The following ATP8B4 variants were observed in gnomAD, a reference collection of about 807,000 sequenced individuals.
ATP8B4 encodes the protein probable phospholipid-transporting ATPase IM.
Under a neutral mutation model 145.6 loss-of-function variants are expected in ATP8B4, and 133 were observed. That is an observed-to-expected ratio of 0.91 (90% CI 0.79 to 1.05). The LOEUF (loss-of-function observed/expected upper bound fraction) is 1.05, where lower values mean the gene tolerates loss of function less well. Among genes scored for constraint, ATP8B4 ranks in the 50% least tolerant of loss-of-function variants. The pLI is 0.00. For missense variants in ATP8B4, 1,458 were observed against 1,425.2 expected (o/e 1.02, Z -0.37); for synonymous variants, 507 against 492.9 (o/e 1.03, Z -0.38).
intron 23 of ATP8B4, chr15:49,895,473 A>G (rs2037299773): frequency 6.6e-6 from 1 of 152,248 alleles, no homozygotes; most frequent in Non-Finnish European, 1.5e-5. Flanking sequence ...CAAAATGAAG[A>G]TTGTGCAATT....
intron 2 of ATP8B4, among the ~76,000 whole-genome samples, chr15:50,104,131 A>G (rs2056535823): frequency 6.6e-6 from 1 of 152,212 alleles, no homozygotes; most frequent in African/African-American, 2.4e-5. Context: ...TAAAAATTAT[A>G]GAAGATAACA....
chr15:49,915,292 C>T (rs1039151802), intron 20 of ATP8B4, among the ~76,000 whole-genome samples: 99 of 152,006 alleles, frequency 6.5e-4, no homozygotes, highest in Non-Finnish European at 6.0e-4. Flanking sequence ...AGATACCAGA[C>T]ACTAGGAAGG....
chr15:49,890,878 G>A (rs1045498221), intron 23 of ATP8B4, among the ~76,000 whole-genome samples: 3 of 152,188 alleles, frequency 2.0e-5, no homozygotes, highest in East Asian at 3.9e-4. Context: ...GTGGGGTGTG[G>A]CTGGGGAACA....
chr15:50,085,117 C>A (rs906354802), intron 2 of ATP8B4, among the ~76,000 whole-genome samples: 2 of 152,158 alleles, frequency 1.3e-5, no homozygotes, highest in Non-Finnish European at 2.9e-5. Flanking sequence ...CAGGGCCCTG[C>A]CTAATCTTTA....
chr15:50,018,024 G>A (rs1054139059), intron 6 of ATP8B4, among the ~76,000 whole-genome samples: 8 of 133,190 alleles, frequency 6.0e-5, no homozygotes, highest in Non-Finnish European at 1.2e-4. Context: ...GTCTCACTCT[G>A]TCATCCAGGC....
chr15:50,148,965 A>G (rs1034113019), intron 1 of ATP8B4, among the ~76,000 whole-genome samples: 1 of 152,236 alleles, frequency 6.6e-6, no homozygotes, highest in African/African-American at 2.4e-5. Context: ...CATTTCATCC[A>G]TAAGTACTTA....
At chr15:49,862,894 C>T (rs2032107136) in intron 26 of ATP8B4, among the ~76,000 whole-genome samples, 2 of 152,208 alleles carry the variant, frequency 1.3e-5, no homozygotes. Flanking sequence ...AGCATTCTCT[C>T]ACCCAGGCTC....
chr15:50,043,917 C>CAG, intron 5 of ATP8B4, among the ~76,000 whole-genome samples: 1 of 143,000 alleles, frequency 7.0e-6, no homozygotes, highest in Non-Finnish European at 1.5e-5. Context: ...TGCGCCACTG[C>CAG]AGTCCGCAGT....
At chr15:49,907,889 C>G (rs80321972) in intron 20 of ATP8B4, among the ~76,000 whole-genome samples, 2 of 152,100 alleles carry the variant, frequency 1.3e-5, no homozygotes, top group African/African-American at 4.8e-5. Context: ...AGTAAGATAC[C>G]TTAACAACTA....
intron 2 of ATP8B4, among the ~76,000 whole-genome samples, chr15:50,099,558 G>A (rs1469967157): frequency 1.3e-5 from 2 of 152,286 alleles, no homozygotes; most frequent in South Asian, 4.1e-4. Flanking sequence ...TGAGATTGCA[G>A]GTGTGAGCCA....
chr15:50,020,884 T>C (rs547357045), intron 6 of ATP8B4, among the ~76,000 whole-genome samples: 60 of 152,350 alleles, frequency 3.9e-4, no homozygotes, highest in Middle Eastern at 6.8e-3. Flanking sequence ...TAAATCCTTA[T>C]ATGTTCAAGA....
At chr15:50,094,628 G>A (rs1003973439) in intron 2 of ATP8B4, among the ~76,000 whole-genome samples, 1 of 144,438 alleles carries the variant, frequency 6.9e-6, no homozygotes, top group East Asian at 2.0e-4. Flanking sequence ...ACATATACGT[G>A]TATATATATT....
At chr15:49,898,969 T>C (rs1012813126) in intron 21 of ATP8B4, among the ~76,000 whole-genome samples, 1 of 152,208 alleles carries the variant, frequency 6.6e-6, no homozygotes, top group African/African-American at 2.4e-5. Context: ...GAAAATGTTT[T>C]ACTGTAAATT....
rs192628248 is a variant in ATP8B4 at position 50,116,665 on chromosome 15, C to T, written c.-43+2458G>A. The stretch of plus-strand genomic sequence containing the variant: ...GGAACAAGGACAGAGCTCTAGAGGG[C>T]GCTCAACTTCAAAAGAAAGGTCAGT... On this transcript the variant is annotated intron_variant, in intron 1 of 27. Coordinates refer to ENST00000284509, the MANE Select transcript of ATP8B4 (RefSeq NM_024837.4). Among the ~76,000 whole-genome samples the T allele has an allele frequency of 7.9e-5, 12 of 152,004 alleles. No homozygotes were observed. In the South Asian group the frequency reaches 8.3e-4, roughly 11 times the overall value.
intron 23 of ATP8B4, chr15:49,894,984 A>G (rs2037237210): frequency 6.6e-6 from 1 of 152,244 alleles, no homozygotes; most frequent in South Asian, 2.1e-4. Flanking sequence ...TAGGTAAGAT[A>G]TAATAGACTG....
At chr15:49,881,344 ACTGT>A (rs1326446936) in intron 23 of ATP8B4, among the ~76,000 whole-genome samples, 5 of 152,202 alleles carry the variant, frequency 3.3e-5, no homozygotes, top group Non-Finnish European at 7.3e-5. Context: ...GAGTATATTA[ACTGT>A]CTTTTATTTT....
At chr15:50,095,736 C>G (rs12442280) in intron 2 of ATP8B4, among the ~76,000 whole-genome samples, 109,865 of 151,492 alleles carry the variant, frequency 0.73, 40,756 homozygotes, top group African/African-American at 0.91. Flanking sequence ...CTGGGTGACA[C>G]AGTGAGACCC....
chr15:50,065,466 C>G (rs923958797), intron 3 of ATP8B4, among the ~76,000 whole-genome samples: 17 of 152,090 alleles, frequency 1.1e-4, no homozygotes, highest in Non-Finnish European at 2.1e-4. Context: ...ACTTTGAGAC[C>G]GTTGGGGTTA....
chr15:50,025,691 G>T (rs1411991794), intron 6 of ATP8B4, among the ~76,000 whole-genome samples: 1 of 152,152 alleles, frequency 6.6e-6, no homozygotes, highest in Non-Finnish European at 1.5e-5. Context: ...CATTTGCCTT[G>T]GTTTGTAATT....
Sources: allele counts gnomAD v4.1 joint callset (sites outside exome capture counted in the v4.1 genomes callset), GRCh38; gene constraint gnomAD v4.1.1; transcripts MANE v1.5; gene names NCBI Gene and HGNC (gene_info 2026-07-23, HGNC 2026-07-21).